Variants in SYNPR observed in about 807,000 individuals in gnomAD.
The protein encoded by SYNPR is synaptoporin.
SYNPR carries 23 observed loss-of-function variants against 32.9 expected under a neutral mutation model. The ratio of observed to expected loss-of-function variants is 0.70; its 90% CI spans 0.50 to 0.99. SYNPR has a LOEUF of 0.99. Among genes scored for constraint, SYNPR ranks in the 50% least tolerant of loss-of-function variants. The probability of loss-of-function intolerance (pLI) is 0.00; values close to 1 mark genes in which losing one functional copy is unlikely to be tolerated. For missense variants in SYNPR, 318 were observed against 349.3 expected (o/e 0.91, Z 0.71); for synonymous variants, 146 against 135.9 (o/e 1.07, Z -0.52).
intron 2 of SYNPR, among the ~76,000 whole-genome samples, chr3:63,379,612 C>T (rs2087940487): frequency 6.6e-6 from 1 of 151,980 alleles, no homozygotes; most frequent in East Asian, 1.9e-4. Context: ...TTGAAGTTTA[C>T]TTTATCTCAT....
At chr3:63,480,746 C>G in intron 2 of SYNPR, 86 bp from the exon 3 acceptor site, 2 of 1,496,240 alleles carry the variant, frequency 1.3e-6, no homozygotes, top group Non-Finnish European at 1.8e-6. Context: ...TTCCCTCAAT[C>G]CAGACATTAA....
intron 4 of SYNPR, among the ~76,000 whole-genome samples, chr3:63,566,288 C>T (rs1702787724): frequency 6.6e-6 from 1 of 152,206 alleles, no homozygotes; most frequent in Middle Eastern, 3.4e-3. Context: ...AAATATTTTA[C>T]TATTTAAAGA....
chr3:63,302,597 A>C (rs2086868405), intron 2 of SYNPR, among the ~76,000 whole-genome samples: 1 of 152,052 alleles, frequency 6.6e-6, no homozygotes, highest in Non-Finnish European at 1.5e-5. Flanking sequence ...TCCTCTGTAA[A>C]ACATACATTT....
chr3:63,435,797 A>T (rs1396201513), intron 2 of SYNPR, among the ~76,000 whole-genome samples: 2 of 152,258 alleles, frequency 1.3e-5, no homozygotes, highest in Non-Finnish European at 2.9e-5. Context: ...CATTTTGAAC[A>T]TTGAAAGTCT....
In SYNPR at chr3:63,278,415, C is replaced by T. The variant is rs1389506918; in HGVS notation, c.-119C>T. 2 of 1,341,674 alleles carry T rather than the reference C, an allele frequency of 1.5e-6. No individual in the cohort carries two copies. The highest frequency in any genetic ancestry group is 2.0e-6 in the Non-Finnish European group (2 of 999,410). The allele number at this position is 1,341,674 out of a possible 1,614,324, so 83.1% of individuals were successfully genotyped here. A position where few individuals can be genotyped will look rare whatever the true frequency, so the allele number is the denominator to read the frequency against. On this transcript the variant is annotated 5_prime_UTR_variant, in exon 1 of 6. Coordinates refer to ENST00000478300, the MANE Select transcript of SYNPR (RefSeq NM_001130003.2). ...GGCCCCCTGCCCTCGCCGGGCTGCT[C>T]CAGGGTGTCGCTCCTCTGGCTGCTC... is the stretch of plus-strand genomic sequence containing the variant.
At chr3:63,489,880 A>T (rs187144503) in intron 3 of SYNPR, among the ~76,000 whole-genome samples, 138 of 152,278 alleles carry the variant, frequency 9.1e-4, no homozygotes, top group African/African-American at 3.0e-3. Flanking sequence ...AGAGAAAAGC[A>T]TGGGCATGGC....
chr3:63,510,732 G>GT (rs1379388021), intron 3 of SYNPR, among the ~76,000 whole-genome samples: 1 of 152,056 alleles, frequency 6.6e-6, no homozygotes, highest in Non-Finnish European at 1.5e-5. Context: ...AGAGTATGGG[G>GT]TTTTTTGTGT....
the SYNPR span, among the ~76,000 whole-genome samples, chr3:63,202,728 G>C: frequency 1.3e-5 from 2 of 152,234 alleles, no homozygotes; most frequent in African/African-American, 4.8e-5. Context: ...GAGCATTGGA[G>C]CTATGCTCTT....
intron 3 of SYNPR, chr3:63,550,076 G>C (rs1443089796): frequency 2.6e-5 from 4 of 152,064 alleles, no homozygotes; most frequent in Non-Finnish European, 5.9e-5. Context: ...GCTCTGTTTA[G>C]AAAGGTTTTT....
intron 2 of SYNPR, among the ~76,000 whole-genome samples, chr3:63,476,239 GGAAA>G (rs1700912743): frequency 1.1e-5 from 1 of 93,312 alleles, no homozygotes; most frequent in Non-Finnish European, 2.1e-5. Context: ...AAGGAAGGAA[GGAAA>G]GGAGGGAGAG....
At chr3:63,443,931 G>C (rs1441656619) in intron 2 of SYNPR, among the ~76,000 whole-genome samples, 1 of 152,252 alleles carries the variant, frequency 6.6e-6, no homozygotes, top group Non-Finnish European at 1.5e-5. Context: ...GTGCTGAAAG[G>C]TGCTAGTTTT....
At chr3:63,415,366 C>T (rs547283783) in intron 2 of SYNPR, among the ~76,000 whole-genome samples, 1 of 151,208 alleles carries the variant, frequency 6.6e-6, no homozygotes, top group East Asian at 1.9e-4. Flanking sequence ...ACTGGCAAAT[C>T]TGGCCAAAAA....
chr3:63,361,598 CAAAAAAAAAA>C (rs34536474), intron 2 of SYNPR, among the ~76,000 whole-genome samples: 1 of 78,896 alleles, frequency 1.3e-5, no homozygotes, highest in Middle Eastern at 8.5e-3. Context: ...ACTCTGTCTC[CAAAAAAAAAA>C]AAAAAAAAGG....
intron 2 of SYNPR, among the ~76,000 whole-genome samples, chr3:63,467,431 G>T (rs1390057846): frequency 6.6e-6 from 1 of 152,064 alleles, no homozygotes; most frequent in Non-Finnish European, 1.5e-5. Context: ...GCTCCTTTTG[G>T]TATAGTTATA....
At chr3:63,247,317 T>A (rs143719034) in intron 1 of SYNPR, among the ~76,000 whole-genome samples, 2 of 152,008 alleles carry the variant, frequency 1.3e-5, no homozygotes, top group African/African-American at 4.8e-5. Context: ...CTATGAACCT[T>A]AGGTTTTGCA....
intron 2 of SYNPR, among the ~76,000 whole-genome samples, chr3:63,319,290 T>C (rs2087082277): frequency 6.6e-6 from 1 of 152,200 alleles, no homozygotes; most frequent in Non-Finnish European, 1.5e-5. Flanking sequence ...TATGTGTCTG[T>C]TTTTATGACA....
At chr3:63,257,151 A>G (rs2086391719) in intron 2 of SYNPR, among the ~76,000 whole-genome samples, 2 of 152,344 alleles carry the variant, frequency 1.3e-5, no homozygotes, top group African/African-American at 4.8e-5. Flanking sequence ...TCTGCAGGAT[A>G]TTATCCAGGA....
chr3:63,253,011 C>A (rs575358010), intron 2 of SYNPR, among the ~76,000 whole-genome samples: 1 of 148,406 alleles, frequency 6.7e-6, no homozygotes, highest in Non-Finnish European at 1.5e-5. Flanking sequence ...TGCACTCCAG[C>A]CTGGGTGACA....
chr3:63,307,486 T>C (rs1451761476), intron 2 of SYNPR, among the ~76,000 whole-genome samples: 1 of 152,012 alleles, frequency 6.6e-6, no homozygotes, highest in Non-Finnish European at 1.5e-5. Context: ...TAATAATACG[T>C]TCATATTTTA....
Sources: allele counts gnomAD v4.1 joint callset (sites outside exome capture counted in the v4.1 genomes callset), GRCh38; gene constraint gnomAD v4.1.1; transcripts MANE v1.5; gene names NCBI Gene and HGNC (gene_info 2026-07-23, HGNC 2026-07-21).